The following COG6 variants were observed in gnomAD, a reference collection of about 807,000 sequenced individuals.
COG6 encodes the protein component of oligomeric golgi complex 6.
In COG6, 74 loss-of-function variants were observed where a neutral mutation model predicts 88.8. The observed-to-expected ratio is 0.83, with a 90% CI of 0.69 to 1.01. COG6 has a LOEUF of 1.01. COG6 is among the 50% of genes least tolerant of loss of function. COG6 has a pLI of 0.00. For synonymous variants in COG6, 286 were observed against 278.7 expected (o/e 1.03, Z -0.26); for missense variants, 800 against 797.9 (o/e 1.00, Z -0.03).
intron 18 of COG6, among the ~76,000 whole-genome samples, chr13:39,769,755 G>A (rs1393124647): frequency 6.6e-6 from 1 of 152,042 alleles, no homozygotes. Context: ...TGGTGATTAG[G>A]TCATGTGGCT....
intron 10 of COG6, among the ~76,000 whole-genome samples, chr13:39,688,906 A>G (rs1049921864): frequency 6.6e-6 from 1 of 152,146 alleles, no homozygotes; most frequent in Non-Finnish European, 1.5e-5. Context: ...TGACTATTTT[A>G]CATAGCTCAG....
intron 1 of COG6, chr13:39,656,939 T>C (rs1199973951): frequency 4.4e-6 from 2 of 449,768 alleles, no homozygotes; most frequent in African/African-American, 2.0e-5. Context: ...TTAACAAATA[T>C]TAATTTTATC....
At chr13:39,695,174 A>C (rs1421210661) in intron 12 of COG6, among the ~76,000 whole-genome samples, 1 of 151,784 alleles carries the variant, frequency 6.6e-6, no homozygotes, top group Non-Finnish European at 1.5e-5. Context: ...AGTGAATGAA[A>C]TGTTCTATTC....
In COG6 at chr13:39,699,571, A is replaced by G. The variant is rs776245822; in HGVS notation, c.1237A>G (p.Ile413Val). 1.9e-6 allele frequency: 3 copies of G among 1,581,188 alleles called. No individual in the cohort carries two copies. The Admixed American group carries it at 5.0e-5, about 27-fold the overall frequency. The change falls in exon 13 of 19, where the codon ATA becomes GTA. Residue 413 changes from isoleucine to valine, a missense_variant. Coordinates refer to ENST00000455146, the MANE Select transcript of COG6 (RefSeq NM_020751.3). ...AGAAATGCATTTGCTAAGCAAAAAAATATTCTTCAATAGCTTGAGTCTTCA... is the reference window on the plus strand; with the variant it reads ...AGAAATGCATTTGCTAAGCAAAAAAGTATTCTTCAATAGCTTGAGTCTTCA... ...IEEMHLLSKK[I>V]FFNSLSLHAS...
At chr13:39,723,525 T>C (rs1297281514) in intron 16 of COG6, 85 bp downstream of exon 16, 4 of 803,206 alleles carry the variant, frequency 5.0e-6, no homozygotes, top group Non-Finnish European at 6.5e-6. Flanking sequence ...GATTCTTGGC[T>C]CTACCACATA....
chr13:39,696,898 A>G (rs569502919), intron 12 of COG6, among the ~76,000 whole-genome samples: 2 of 149,888 alleles, frequency 1.3e-5, no homozygotes, highest in Admixed American at 1.3e-4. Context: ...ATGGTCTTAG[A>G]AATGGTAAAC....
intron 3 of COG6, among the ~76,000 whole-genome samples, chr13:39,661,879 A>T (rs1874917322): frequency 6.6e-6 from 1 of 151,450 alleles, no homozygotes; most frequent in African/African-American, 2.4e-5. Context: ...TTCTCAAATT[A>T]TACTTTATAA....
intron 18 of COG6, among the ~76,000 whole-genome samples, chr13:39,744,401 C>T (rs887613834): frequency 2.0e-5 from 3 of 152,204 alleles, no homozygotes; most frequent in African/African-American, 7.2e-5. Context: ...GCAACTTCAG[C>T]AAAGTCTCAG....
intron 15 of COG6, among the ~76,000 whole-genome samples, chr13:39,721,323 C>T (rs1475715555): frequency 6.6e-6 from 1 of 151,974 alleles, no homozygotes; most frequent in East Asian, 1.9e-4. Context: ...TTATTTTTGC[C>T]ACCATTGGAT....
intron 3 of COG6, among the ~76,000 whole-genome samples, chr13:39,664,807 A>G (rs1875142132): frequency 1.3e-5 from 2 of 152,188 alleles, no homozygotes; most frequent in South Asian, 4.1e-4. Context: ...TTGTTTTTCC[A>G]GTGCTTCTGT....
At chr13:39,673,273 T>C (rs1875760021) in intron 4 of COG6, among the ~76,000 whole-genome samples, 1 of 152,022 alleles carries the variant, frequency 6.6e-6, no homozygotes, top group Non-Finnish European at 1.5e-5. Flanking sequence ...TGCTTTATTT[T>C]TCAATGTATT....
chr13:39,750,991 TGGTG>T lies in COG6; in HGVS notation c.1873_1876del (p.Gly625LysfsTer6). ...CTACAGAATTAGTCTGCAGAGCCTA[TGGTG>T]AAGTGTATGCAGCCGTGATGAATCC... is the stretch of plus-strand genomic sequence containing the variant. On this transcript the variant is annotated frameshift_variant, in exon 19 of 19. Transcript: ENST00000455146. LOFTEE classifies it high-confidence loss of function. The T allele has an allele frequency of 6.2e-7, 1 of 1,613,694 alleles. No homozygotes were observed. Among genetic ancestry groups the T allele is most frequent in the Non-Finnish European group, 8.5e-7 (1 of 1,179,786 alleles).
chr13:39,762,183 TA>T (rs369414847), intron 18 of COG6, among the ~76,000 whole-genome samples: 12 of 152,012 alleles, frequency 7.9e-5, no homozygotes, highest in African/African-American at 2.6e-4. Context: ...TATTTAGCCA[TA>T]AAAAATAACA....
At chr13:39,743,516 A>T (rs1485229691) in intron 18 of COG6, among the ~76,000 whole-genome samples, 1 of 152,216 alleles carries the variant, frequency 6.6e-6, no homozygotes, top group Non-Finnish European at 1.5e-5. Context: ...GAAATGGATA[A>T]ATTCCTTGAC....
intron 18 of COG6, among the ~76,000 whole-genome samples, chr13:39,775,989 G>T (rs536287273): frequency 6.6e-6 from 1 of 152,028 alleles, no homozygotes; most frequent in Non-Finnish European, 1.5e-5. Flanking sequence ...GTCTGGTCTC[G>T]AACTCCCCAC....
At chr13:39,665,071 A>T in intron 3 of COG6, 25 bp from the exon 4 acceptor site, 2 of 1,058,074 alleles carry the variant, frequency 1.9e-6, no homozygotes, top group Non-Finnish European at 3.0e-6. Flanking sequence ...GAATTTACTT[A>T]TATTAGATAT....
chr13:39,748,855 C>T (rs1034116510), intron 18 of COG6, among the ~76,000 whole-genome samples: 1 of 152,136 alleles, frequency 6.6e-6, no homozygotes, highest in Non-Finnish European at 1.5e-5. Flanking sequence ...CCCATTAGAA[C>T]AGTGTACAGA....
chr13:39,735,394 T>C (rs921295862), intron 18 of COG6, among the ~76,000 whole-genome samples: 1 of 136,712 alleles, frequency 7.3e-6, no homozygotes, highest in Admixed American at 7.8e-5. Context: ...ATAAAAACTC[T>C]TTACCCTTTA....
intron 13 of COG6, among the ~76,000 whole-genome samples, chr13:39,713,735 C>CA (rs1013678149): frequency 6.7e-5 from 10 of 149,594 alleles, no homozygotes; most frequent in Admixed American, 4.0e-4. Context: ...GACTCCATCT[C>CA]AAAAAAAAAG....
Sources: gnomAD v4.1 joint callset for allele counts (sites outside exome capture counted in the v4.1 genomes callset) on GRCh38, gnomAD v4.1.1 for gene constraint, MANE v1.5 for transcripts, NCBI Gene and HGNC (gene_info 2026-07-23, HGNC 2026-07-21) for gene names.